RAPGEF2: variants seen among roughly 807,000 people sequenced by gnomAD.
The protein encoded by RAPGEF2 is PDZ domain containing guanine nucleotide exchange factor (GEF) 1.
RAPGEF2 carries 54 observed loss-of-function variants against 186.7 expected under a neutral mutation model. The ratio of observed to expected loss-of-function variants is 0.29; its 90% CI spans 0.23 to 0.36. RAPGEF2 has a LOEUF of 0.36. Ranked by LOEUF, RAPGEF2 falls within the 10% of genes least tolerant of loss-of-function variation. The probability of loss-of-function intolerance (pLI) is 1.00; values close to 1 mark genes in which losing one functional copy is unlikely to be tolerated. For synonymous variants in RAPGEF2, 712 were observed against 705.9 expected (o/e 1.01, Z -0.14); for missense variants, 1,532 against 2,045.0 (o/e 0.75, Z 4.84).
At chr4:159,278,428 G>T (rs1759226155) in intron 7 of RAPGEF2, among the ~76,000 whole-genome samples, 1 of 152,134 alleles carries the variant, frequency 6.6e-6, no homozygotes. Flanking sequence ...TAAGGAACCT[G>T]AGTACTGAAA....
intron 7 of RAPGEF2, among the ~76,000 whole-genome samples, chr4:159,262,402 G>T (rs964901453): frequency 1.3e-5 from 2 of 150,858 alleles, no homozygotes; most frequent in Non-Finnish European, 2.9e-5. Context: ...AAATATTAGT[G>T]GGGGGGCCTT....
At chr4:159,235,186 T>G (rs1300627901) in intron 4 of RAPGEF2, among the ~76,000 whole-genome samples, 3 of 152,234 alleles carry the variant, frequency 2.0e-5, no homozygotes, top group African/African-American at 4.8e-5. Flanking sequence ...GTAATACCCT[T>G]TTATAGATTT....
intron 4 of RAPGEF2, among the ~76,000 whole-genome samples, chr4:159,233,149 T>G (rs1752834985): frequency 6.6e-6 from 1 of 152,248 alleles, no homozygotes; most frequent in South Asian, 2.1e-4. Flanking sequence ...TGCAGAGTTT[T>G]TAATTTTGAT....
chr4:159,312,599 C>T (rs1237042203), intron 8 of RAPGEF2, among the ~76,000 whole-genome samples: 1 of 152,194 alleles, frequency 6.6e-6, no homozygotes, highest in Admixed American at 6.5e-5. Flanking sequence ...ACTCTCCTGC[C>T]TGCAGTATCT....
At chr4:159,151,812 A>G (rs865889580) in intron 1 of RAPGEF2, among the ~76,000 whole-genome samples, 11 of 152,250 alleles carry the variant, frequency 7.2e-5, no homozygotes, top group Non-Finnish European at 8.8e-5. Context: ...GTAAACTTTA[A>G]AGCTTTGCAT....
intron 4 of RAPGEF2, among the ~76,000 whole-genome samples, chr4:159,218,402 A>G (rs772822876): frequency 1.3e-5 from 2 of 152,192 alleles, no homozygotes; most frequent in African/African-American, 2.4e-5. Context: ...ACTAACTTGT[A>G]ATAGGATTAA....
intron 19 of RAPGEF2, among the ~76,000 whole-genome samples, chr4:159,340,701 A>ACACACACATT (rs1729299633): frequency 6.8e-6 from 1 of 147,974 alleles, no homozygotes; most frequent in Non-Finnish European, 1.5e-5. Context: ...ACACACACAC[A>ACACACACATT]CACACATTTA....
chr4:159,323,699 T>C (rs1765538737), intron 11 of RAPGEF2, 82 bp downstream of exon 11: 1 of 829,106 alleles, frequency 1.2e-6, no homozygotes, highest in Non-Finnish European at 1.6e-6. Flanking sequence ...TTTTTCTCCC[T>C]ATATAAATAT....
At chr4:159,322,218 C>G (rs1172728059) in intron 9 of RAPGEF2, 129 bp from the exon 10 acceptor site, 4 of 711,916 alleles carry the variant, frequency 5.6e-6, no homozygotes, top group Non-Finnish European at 9.1e-6. Context: ...GCTAAAGATA[C>G]TTGATATGTA....
At chr4:159,150,360 G>A (rs959502977) in intron 1 of RAPGEF2, among the ~76,000 whole-genome samples, 1 of 151,878 alleles carries the variant, frequency 6.6e-6, no homozygotes, top group African/African-American at 2.4e-5. Context: ...GAATATATAC[G>A]GTTGATTCAT....
intron 1 of RAPGEF2, among the ~76,000 whole-genome samples, chr4:159,113,349 C>G (rs1367314273): frequency 6.6e-6 from 1 of 152,058 alleles, no homozygotes; most frequent in East Asian, 1.9e-4. Context: ...CTTTTTTACT[C>G]TAAAATTATT....
intron 8 of RAPGEF2, among the ~76,000 whole-genome samples, chr4:159,309,990 A>G (rs1283620702): frequency 6.6e-6 from 1 of 151,990 alleles, no homozygotes; most frequent in Non-Finnish European, 1.5e-5. Flanking sequence ...CAATGTTTTA[A>G]TAAAGGATCA....
At chr4:159,126,334 T>C (rs1740294259) in intron 1 of RAPGEF2, among the ~76,000 whole-genome samples, 1 of 152,146 alleles carries the variant, frequency 6.6e-6, no homozygotes, top group Non-Finnish European at 1.5e-5. Flanking sequence ...AGAGAGCAAT[T>C]CTAGAAACCT....
At chr4:159,267,026 A>G (rs1360184918) in intron 7 of RAPGEF2, 1 of 399,078 alleles carries the variant, frequency 2.5e-6, no homozygotes. Context: ...TAAGTAGAGG[A>G]GGGGGCGAGT....
intron 1 of RAPGEF2, among the ~76,000 whole-genome samples, chr4:159,130,646 T>G (rs1740935803): frequency 1.3e-5 from 2 of 152,370 alleles, no homozygotes; most frequent in South Asian, 2.1e-4. Flanking sequence ...TGGAAGGGCT[T>G]CTTTTAATTT....
intron 1 of RAPGEF2, among the ~76,000 whole-genome samples, chr4:159,146,361 C>CTTTTTTTTTTTTTTTTTTTT: frequency 7.3e-6 from 1 of 137,868 alleles, no homozygotes; most frequent in Non-Finnish European, 1.6e-5. Flanking sequence ...AAGCTTTTTT[C>CTTTTTTTTTTTTTTTTTTTT]TTTTTTTTTT....
intron 4 of RAPGEF2, among the ~76,000 whole-genome samples, chr4:159,215,309 A>G (rs763447896): frequency 6.6e-6 from 1 of 152,010 alleles, no homozygotes; most frequent in Admixed American, 6.6e-5. Flanking sequence ...AGTGACTGGA[A>G]CTACAGGCAC....
chr4:159,130,272 T>C (rs1489222062), intron 1 of RAPGEF2, among the ~76,000 whole-genome samples: 1 of 152,176 alleles, frequency 6.6e-6, no homozygotes, highest in Non-Finnish European at 1.5e-5. Context: ...TCTTATCTCA[T>C]CCTGTGACCA....
chr4:159,152,696 C>G (rs1743687491), intron 1 of RAPGEF2, among the ~76,000 whole-genome samples: 1 of 152,192 alleles, frequency 6.6e-6, no homozygotes, highest in Non-Finnish European at 1.5e-5. Flanking sequence ...CGGCTCACTG[C>G]AAGCTCTGCC....
Sources: gnomAD v4.1 joint callset for allele counts (sites outside exome capture counted in the v4.1 genomes callset) on GRCh38, gnomAD v4.1.1 for gene constraint, MANE v1.5 for transcripts, NCBI Gene and HGNC (gene_info 2026-07-23, HGNC 2026-07-21) for gene names.